Variants in PID1 observed in about 807,000 individuals in gnomAD.
PID1 encodes the protein PTB-containing, cubilin and LRP1-interacting protein.
Under a neutral mutation model 19.1 loss-of-function variants are expected in PID1, and 10 were observed. The ratio of observed to expected loss-of-function variants is 0.52; its 90% CI spans 0.32 to 0.89. PID1 has a LOEUF of 0.89. PID1 is among the 40% of genes least tolerant of loss of function. PID1 has a pLI of 0.03. For missense variants in PID1, 248 were observed against 285.3 expected (o/e 0.87, Z 0.94); for synonymous variants, 130 against 116.0 (o/e 1.12, Z -0.78).
intron 2 of PID1, among the ~76,000 whole-genome samples, chr2:229,088,464 A>G (rs1694810424): frequency 6.6e-6 from 1 of 152,212 alleles, no homozygotes; most frequent in Non-Finnish European, 1.5e-5. Context: ...AGGAAAAGAA[A>G]GAAAGTGAAC....
At chr2:229,070,430 T>C (rs1694428130) in intron 2 of PID1, among the ~76,000 whole-genome samples, 1 of 152,186 alleles carries the variant, frequency 6.6e-6, no homozygotes, top group Non-Finnish European at 1.5e-5. Flanking sequence ...TCAATATGAT[T>C]CATAGAGGAA....
intron 1 of PID1, among the ~76,000 whole-genome samples, chr2:229,231,181 G>A (rs1235203): frequency 0.45 from 68,324 of 151,728 alleles, 16,224 homozygotes; most frequent in East Asian, 0.76. Flanking sequence ...AGAGGCCACC[G>A]AGATCTCAGA....
chr2:229,238,539 CT>C (rs1486302829), intron 1 of PID1, among the ~76,000 whole-genome samples: 1 of 152,146 alleles, frequency 6.6e-6, no homozygotes, highest in African/African-American at 2.4e-5. Context: ...ATTTGTTTGC[CT>C]TACGAATAAA....
intron 2 of PID1, among the ~76,000 whole-genome samples, chr2:229,117,270 T>A (rs1574642488): frequency 6.6e-6 from 1 of 152,156 alleles, no homozygotes; most frequent in East Asian, 1.9e-4. Flanking sequence ...ATCATCAGTA[T>A]GGAATCATGC....
intron 2 of PID1, among the ~76,000 whole-genome samples, chr2:229,080,235 T>C (rs1420335058): frequency 6.6e-6 from 1 of 152,232 alleles, no homozygotes; most frequent in African/African-American, 2.4e-5. Flanking sequence ...GGCTGCTCAC[T>C]GTCTTCTGGA....
At chr2:229,114,573 T>C (rs1358822020) in intron 2 of PID1, among the ~76,000 whole-genome samples, 2 of 152,172 alleles carry the variant, frequency 1.3e-5, no homozygotes, top group Non-Finnish European at 2.9e-5. Flanking sequence ...TTCCACTAGA[T>C]GCAACTTCAT....
intron 1 of PID1, among the ~76,000 whole-genome samples, chr2:229,194,839 A>G (rs1252774346): frequency 6.6e-6 from 1 of 152,036 alleles, no homozygotes; most frequent in Non-Finnish European, 1.5e-5. Context: ...ATATATACAT[A>G]TGCAAATGTA....
At chr2:229,031,885 A>C (rs1693562108) in intron 2 of PID1, among the ~76,000 whole-genome samples, 1 of 152,196 alleles carries the variant, frequency 6.6e-6, no homozygotes. Flanking sequence ...TAAATTCTCC[A>C]GAGTTTGGCA....
At chr2:229,036,523 G>C (rs1693666789) in intron 2 of PID1, among the ~76,000 whole-genome samples, 2 of 152,110 alleles carry the variant, frequency 1.3e-5, no homozygotes, top group Admixed American at 1.3e-4. Context: ...GGCTGAGGCA[G>C]GCAGATCATG....
intron 1 of PID1, among the ~76,000 whole-genome samples, chr2:229,215,532 C>T (rs370360214): frequency 2.6e-5 from 4 of 152,198 alleles, no homozygotes; most frequent in African/African-American, 9.6e-5. Context: ...TTTATTCTCA[C>T]AATTCCCCTT....
chr2:229,222,041 G>A (rs958591503), intron 1 of PID1, among the ~76,000 whole-genome samples: 11 of 152,190 alleles, frequency 7.2e-5, no homozygotes, highest in African/African-American at 2.4e-4. Flanking sequence ...TCTCCCACTC[G>A]GAAGCCTTCA....
intron 1 of PID1, among the ~76,000 whole-genome samples, chr2:229,265,356 T>C (rs3796073): frequency 0.22 from 33,343 of 152,244 alleles, 4,303 homozygotes; most frequent in Non-Finnish European, 0.29. Flanking sequence ...GCTGGAAGCA[T>C]TGAAATATGC....
At chr2:229,121,661 C>T (rs1256102982) in intron 2 of PID1, among the ~76,000 whole-genome samples, 1 of 152,114 alleles carries the variant, frequency 6.6e-6, no homozygotes, top group African/African-American at 2.4e-5. Flanking sequence ...TGTATTCTGT[C>T]GGGCTCTCCT....
intron 1 of PID1, among the ~76,000 whole-genome samples, chr2:229,246,163 T>C (rs1010924782): frequency 1.3e-5 from 2 of 152,302 alleles, no homozygotes; most frequent in East Asian, 1.9e-4. Flanking sequence ...CCAAATGCAA[T>C]GCTTTACATT....
chr2:229,176,438 A>G (rs966574883), intron 1 of PID1, among the ~76,000 whole-genome samples: 5 of 152,218 alleles, frequency 3.3e-5, no homozygotes, highest in African/African-American at 7.2e-5. Context: ...CATTGTTTCT[A>G]TTAGGGAACC....
chr2:229,268,827 G>A (rs1197064905), intron 1 of PID1, among the ~76,000 whole-genome samples: 2 of 151,908 alleles, frequency 1.3e-5, no homozygotes, highest in Non-Finnish European at 2.9e-5. Context: ...GAAAGGAAAA[G>A]AAAAGGAAAA....
intron 2 of PID1, among the ~76,000 whole-genome samples, chr2:229,112,787 T>C (rs1360546056): frequency 4.6e-5 from 7 of 152,152 alleles, no homozygotes; most frequent in Admixed American, 2.0e-4. Context: ...GCCTGGCCTC[T>C]ACAACTTTTT....
intron 1 of PID1, among the ~76,000 whole-genome samples, chr2:229,169,367 T>C (rs996879652): frequency 1.3e-5 from 2 of 152,154 alleles, no homozygotes; most frequent in African/African-American, 4.8e-5. Flanking sequence ...AGAGAAGTTA[T>C]GATTGTATAA....
chr2:229,163,473 T>A (rs931420275), intron 1 of PID1, among the ~76,000 whole-genome samples: 1 of 151,096 alleles, frequency 6.6e-6, no homozygotes, highest in Non-Finnish European at 1.5e-5. Flanking sequence ...ACAGCCATAT[T>A]TATTCATGCA....
Sources: gnomAD v4.1 joint callset for allele counts (sites outside exome capture counted in the v4.1 genomes callset) on GRCh38, gnomAD v4.1.1 for gene constraint, MANE v1.5 for transcripts, NCBI Gene and HGNC (gene_info 2026-07-23, HGNC 2026-07-21) for gene names.